UVRAG: variants seen among roughly 807,000 people sequenced by gnomAD.
UVRAG encodes UV radiation resistance associated, also known as UV radiation resistance-associated gene protein.
In UVRAG, 19 loss-of-function variants were observed where a neutral mutation model predicts 78.0. That is an observed-to-expected ratio of 0.24 (90% CI 0.17 to 0.36). The LOEUF is 0.36. Ranked by LOEUF, UVRAG falls within the 10% of genes least tolerant of loss-of-function variation. UVRAG has a pLI of 1.00. For synonymous variants in UVRAG, 323 were observed against 324.6 expected (o/e 1.00, Z 0.05); for missense variants, 740 against 853.8 (o/e 0.87, Z 1.66).
chr11:75,897,724 A>G (rs1014491869), intron 5 of UVRAG, among the ~76,000 whole-genome samples: 1 of 151,748 alleles, frequency 6.6e-6, no homozygotes, highest in African/African-American at 2.4e-5. Context: ...GGGTTTCACC[A>G]TGTTGTCCAG....
At chr11:76,114,450 GATA>G (rs2134464965) in intron 13 of UVRAG, among the ~76,000 whole-genome samples, 1 of 152,282 alleles carries the variant, frequency 6.6e-6, no homozygotes, top group African/African-American at 2.4e-5. Context: ...GGCCCTGGCT[GATA>G]ATATCTTTGC....
At chr11:75,923,347 GTGT>G (rs939424220) in intron 6 of UVRAG, among the ~76,000 whole-genome samples, 2 of 152,222 alleles carry the variant, frequency 1.3e-5, no homozygotes, top group Middle Eastern at 3.4e-3. Flanking sequence ...TTTAGCAGTT[GTGT>G]TGTTGTTATG....
At chr11:76,076,609 C>G (rs1239065693) in intron 13 of UVRAG, among the ~76,000 whole-genome samples, 1 of 152,144 alleles carries the variant, frequency 6.6e-6, no homozygotes, top group Non-Finnish European at 1.5e-5. Context: ...TCCAATTGCT[C>G]TGTATCCTCA....
At chr11:76,045,776 A>G (rs1296981428) in intron 12 of UVRAG, among the ~76,000 whole-genome samples, 1 of 151,846 alleles carries the variant, frequency 6.6e-6, no homozygotes, top group Non-Finnish European at 1.5e-5. Context: ...CAAATATTTG[A>G]TGATCCAACA....
intron 3 of UVRAG, among the ~76,000 whole-genome samples, chr11:75,877,854 G>A: frequency 6.8e-6 from 1 of 146,438 alleles, no homozygotes. Context: ...CGGCTGGCCG[G>A]GCGGGGGGCT....
chr11:76,079,468 G>A (rs1247944483), intron 13 of UVRAG, among the ~76,000 whole-genome samples: 1 of 151,526 alleles, frequency 6.6e-6, no homozygotes, highest in East Asian at 1.9e-4. Context: ...CAGGGCGACA[G>A]TGAAACCCTG....
At chr11:76,065,326 C>T (rs1951165944) in intron 12 of UVRAG, among the ~76,000 whole-genome samples, 1 of 152,196 alleles carries the variant, frequency 6.6e-6, no homozygotes, top group African/African-American at 2.4e-5. Context: ...TAATCTTCCT[C>T]TCCCATTTAG....
chr11:75,834,244 C>A (rs1034755126), intron 1 of UVRAG, among the ~76,000 whole-genome samples: 1 of 151,998 alleles, frequency 6.6e-6, no homozygotes, highest in Admixed American at 6.5e-5. Flanking sequence ...ATAATACAGA[C>A]CCTGCTCCCT....
intron 1 of UVRAG, among the ~76,000 whole-genome samples, chr11:75,832,245 C>T (rs540026952): frequency 3.3e-5 from 5 of 152,132 alleles, no homozygotes; most frequent in Admixed American, 2.6e-4. Flanking sequence ...GCTATTTACC[C>T]GGAGTTATGA....
At chr11:75,986,310 T>C (rs905307407) in intron 8 of UVRAG, among the ~76,000 whole-genome samples, 1 of 152,192 alleles carries the variant, frequency 6.6e-6, no homozygotes, top group Middle Eastern at 3.2e-3. Flanking sequence ...TTTATGATAC[T>C]ATTGTACATA....
intron 12 of UVRAG, among the ~76,000 whole-genome samples, chr11:76,027,038 A>G (rs553174184): frequency 9.9e-5 from 15 of 151,190 alleles, no homozygotes; most frequent in Non-Finnish European, 1.8e-4. Context: ...ATATTATTAC[A>G]TCATCTGATT....
chr11:75,877,483 G>C (rs1157706218), intron 3 of UVRAG, among the ~76,000 whole-genome samples: 6 of 148,014 alleles, frequency 4.1e-5, no homozygotes, highest in Non-Finnish European at 4.5e-5. Flanking sequence ...CCTCCCTCCC[G>C]GACGGGGCGG....
chr11:75,888,814 TTCC>T lies in UVRAG; in HGVS notation c.433-9_433-7del. On this transcript the variant is annotated splice_polypyrimidine_tract_variant and intron_variant, in intron 4 of 14. Transcript: ENST00000356136. Reference sequence around the variant, plus strand: ...GAATAAAAATAACAAATACTGTATTTTCCTCCTCTCTTAGATTCATGCCCGAAA... The same window carrying T: ...GAATAAAAATAACAAATACTGTATTTTCCTCTCTTAGATTCATGCCCGAAA... 1 of 1,606,766 alleles carries T rather than the reference TTCC, an allele frequency of 6.2e-7. No individual in the cohort carries two copies. Among genetic ancestry groups the T allele is most frequent in the Non-Finnish European group, 8.5e-7 (1 of 1,175,068 alleles).
At position 76,100,662 on chromosome 11, in the gene UVRAG, AAATTCTTGTCACAGGAGTTTG is replaced by A. The variant is rs200576111; in HGVS notation, c.1306-15260_1306-15240del. 3.4e-4 allele frequency among the ~76,000 whole-genome samples: 52 copies of A among 152,300 alleles called. No individual in the cohort carries two copies. The East Asian group carries it at 9.5e-3, about 28-fold the overall frequency. On this transcript the variant is annotated intron_variant, in intron 13 of 14. Transcript: ENST00000356136. ...ACATGTGCAGTTTTGTTATATAGGT[AAATTCTTGTCACAGGAGTTTG>A]ATGTACACATTATTTCATGACCCAA...
intron 6 of UVRAG, among the ~76,000 whole-genome samples, chr11:75,931,525 G>A (rs947135451): frequency 6.6e-6 from 1 of 152,110 alleles, no homozygotes; most frequent in African/African-American, 2.4e-5. Context: ...AAATTAAAGT[G>A]AAATCTGCAT....
intron 11 of UVRAG, among the ~76,000 whole-genome samples, chr11:76,015,834 G>C (rs572899941): frequency 6.6e-6 from 1 of 152,152 alleles, no homozygotes; most frequent in African/African-American, 2.4e-5. Context: ...AATAGTCAAG[G>C]CATGGTCATT....
At chr11:75,857,497 C>A (rs2371374) in intron 2 of UVRAG, among the ~76,000 whole-genome samples, 2 of 147,800 alleles carry the variant, frequency 1.4e-5, no homozygotes, top group South Asian at 4.3e-4. Flanking sequence ...TTCCCCCCCC[C>A]TTTTTTTTTT....
intron 4 of UVRAG, among the ~76,000 whole-genome samples, chr11:75,883,786 A>T (rs1468773170): frequency 6.6e-6 from 1 of 152,144 alleles, no homozygotes; most frequent in Non-Finnish European, 1.5e-5. Context: ...TATTTTTTTT[A>T]AGTTAGGTTT....
At chr11:75,818,318 A>G (rs79032145) in intron 1 of UVRAG, among the ~76,000 whole-genome samples, 5,693 of 151,538 alleles carry the variant, frequency 0.038, 336 homozygotes, top group African/African-American at 0.13. Flanking sequence ...GTATCTGTGT[A>G]TGTCTAATGT....
Sources: allele counts gnomAD v4.1 joint callset (sites outside exome capture counted in the v4.1 genomes callset), GRCh38; gene constraint gnomAD v4.1.1; transcripts MANE v1.5; gene names NCBI Gene and HGNC (gene_info 2026-07-23, HGNC 2026-07-21).